FANCM: variants seen among roughly 807,000 people sequenced by gnomAD.
FANCM encodes FA complementation group M.
Under a neutral mutation model 199.5 loss-of-function variants are expected in FANCM, and 140 were observed. The ratio of observed to expected loss-of-function variants is 0.70; its 90% CI spans 0.61 to 0.81. The LOEUF (loss-of-function observed/expected upper bound fraction) is 0.81. FANCM is among the 30% of genes least tolerant of loss of function. FANCM has a pLI of 0.00. For missense variants in FANCM, 2,410 were observed against 2,421.4 expected, an observed-to-expected ratio of 1.00 and a Z score of 0.10; for synonymous variants, 840 against 836.8, an observed-to-expected ratio of 1.00 and a Z score of -0.07.
intron 11 of FANCM, 194 bp downstream of exon 11, chr14:45,167,357 GA>G (rs1259897585): frequency 1.8e-6 from 1 of 561,152 alleles, no homozygotes. Context: ...TAGAGTGACA[GA>G]AACTCAGTGT....
At chr14:45,144,225 TACTG>T (rs1185354688) in intron 3 of FANCM, among the ~76,000 whole-genome samples, 2 of 152,308 alleles carry the variant, frequency 1.3e-5, no homozygotes, top group East Asian at 3.9e-4. Context: ...GTAAACTTAT[TACTG>T]ACTATAGTCA....
At chr14:45,165,317 A>G (rs1300532788) in intron 10 of FANCM, among the ~76,000 whole-genome samples, 7 of 152,260 alleles carry the variant, frequency 4.6e-5, no homozygotes, top group African/African-American at 1.7e-4. Flanking sequence ...CAGTACCTTT[A>G]GGAGGCTCAC....
chr14:45,166,712 G>A (rs1888000706), intron 10 of FANCM, among the ~76,000 whole-genome samples: 1 of 151,118 alleles, frequency 6.6e-6, no homozygotes, highest in Non-Finnish European at 1.5e-5. Context: ...GGAGGTTGAG[G>A]CTGCAGTGAG....
In FANCM at chr14:45,167,130, C is replaced by A; in HGVS notation, c.1969C>A (p.Gln657Lys). The change falls in exon 11 of 23, where the codon CAG becomes AAG. Residue 657 changes from glutamine to lysine, a missense_variant. Transcript: ENST00000267430. ...YEPEKPSRNL[Q>K]RKSSIFSYRD... ...ACCAGAGAAGCCTTCTCGGAACTTG[C>A]AGCGAAAGTCATCTATCTTTTCCTA... The A allele has an allele frequency of 6.2e-7, 1 of 1,612,370 alleles. No homozygotes were observed. The highest frequency in any genetic ancestry group is 1.1e-5 in the South Asian group (1 of 91,056).
rs1566716075 is a variant in FANCM, at chr14:45,136,190, CGAT to C, written c.164_166del (p.Asp55del). On this transcript the variant is annotated inframe_deletion, in exon 1 of 23. Transcript: ENST00000267430. ...CAGCGGAGGCTCAGCTGGAGTCGGACGATGATGTGTTGCTTGTCGCGGCGTACG... is the reference window on the plus strand; with the variant it reads ...CAGCGGAGGCTCAGCTGGAGTCGGACGATGTGTTGCTTGTCGCGGCGTACG... 12 of 1,614,180 alleles carry C rather than the reference CGAT, an allele frequency of 7.4e-6. No individual in the cohort carries two copies. In the Admixed American group the frequency reaches 1.7e-4, roughly 22 times the overall value.
At chr14:45,186,163 G>C (rs1157781041) in intron 18 of FANCM, among the ~76,000 whole-genome samples, 1 of 152,060 alleles carries the variant, frequency 6.6e-6, no homozygotes, top group African/African-American at 2.4e-5. Context: ...CAAAGTACTG[G>C]GTCTATAGCT....
chr14:45,143,690 ATT>A (rs869298490), intron 3 of FANCM, among the ~76,000 whole-genome samples: 29 of 123,940 alleles, frequency 2.3e-4, no homozygotes, highest in Non-Finnish European at 1.7e-4. Context: ...TTGAGTAAGG[ATT>A]TTTTTTTTTT....
chr14:45,137,840 G>A (rs972583690), intron 2 of FANCM: 3 of 155,878 alleles, frequency 1.9e-5, no homozygotes, highest in African/African-American at 7.2e-5. Context: ...TTAATAGTTT[G>A]AAAGCCTTTG....
At chr14:45,179,707 G>A (rs1566770576) in intron 14 of FANCM, among the ~76,000 whole-genome samples, 3 of 151,688 alleles carry the variant, frequency 2.0e-5, no homozygotes, top group African/African-American at 4.8e-5. Context: ...CACTGTAGGC[G>A]CCTGCCACCA....
chr14:45,157,183 A>C (rs1887260099), intron 8 of FANCM, among the ~76,000 whole-genome samples: 1 of 152,218 alleles, frequency 6.6e-6, no homozygotes, highest in Non-Finnish European at 1.5e-5. Flanking sequence ...CAAACATGTT[A>C]AGATGTTTTT....
intron 6 of FANCM, 88 bp downstream of exon 6, chr14:45,154,140 T>G: frequency 2.0e-6 from 2 of 1,006,298 alleles, no homozygotes; most frequent in Non-Finnish European, 3.0e-6. Flanking sequence ...GTGGCTCATT[T>G]CTGTAATCCC....
intron 3 of FANCM, among the ~76,000 whole-genome samples, chr14:45,146,435 C>T (rs1202567125): frequency 6.6e-6 from 1 of 152,018 alleles, no homozygotes; most frequent in Non-Finnish European, 1.5e-5. Context: ...TCCATGCTTC[C>T]AATGATAGCT....
chr14:45,170,560 C>T lies in FANCM; in HGVS notation c.2003-29C>T, dbSNP rs761338468. 5 of 1,542,026 alleles carry T rather than the reference C, an allele frequency of 3.2e-6. No individual in the cohort carries two copies. In the South Asian group the frequency reaches 4.5e-5, roughly 14 times the overall value. ...TTTGCTTTGCAGATTTTTAAAAAGTCTCTTTTCCATTATTTTTTCAACTTA... is the reference window on the plus strand; with the variant it reads ...TTTGCTTTGCAGATTTTTAAAAAGTTTCTTTTCCATTATTTTTTCAACTTA... On this transcript the variant is annotated intron_variant, in intron 11 of 22. Coordinates refer to ENST00000267430, the MANE Select transcript of FANCM (RefSeq NM_020937.4).
In FANCM at chr14:45,175,475, T is replaced by G. The variant is rs150172333; in HGVS notation, c.2721T>G (p.Ala907=). The change falls in exon 14 of 23, where the codon GCT becomes GCG. Residue 907 remains alanine, a synonymous_variant. Transcript: ENST00000267430. ...GGACATCAGATACAGATGAAATTGC[T>G]GCCACATGTACTATTAATGAAAATG... ...DKRTSDTDEI[A]ATCTINENVI... is the part of the protein sequence containing the mutation. The G allele has an allele frequency of 9.3e-6, 15 of 1,608,910 alleles. No homozygotes were observed. Among genetic ancestry groups the G allele is most frequent in the Middle Eastern group, 1.7e-4 (1 of 6,060 alleles).
At chr14:45,194,591 C>A (rs1889956921) in intron 20 of FANCM, among the ~76,000 whole-genome samples, 1 of 152,088 alleles carries the variant, frequency 6.6e-6, no homozygotes, top group Non-Finnish European at 1.5e-5. Flanking sequence ...CTTTGTGCAG[C>A]TGCATACACC....
At chr14:45,154,663 T>A in intron 6 of FANCM, 34 bp from the exon 7 acceptor site, 1 of 1,389,840 alleles carries the variant, frequency 7.2e-7, no homozygotes, top group Non-Finnish European at 1.0e-6. Flanking sequence ...GTTTTATTAT[T>A]ATTTATTTGA....
chr14:45,164,308 A>T, intron 9 of FANCM, 51 bp from the exon 10 acceptor site: 2 of 1,408,000 alleles, frequency 1.4e-6, no homozygotes, highest in Non-Finnish European at 2.0e-6. Flanking sequence ...GCTTTGATCT[A>T]CAGTTCTCTT....
intron 19 of FANCM, 76 bp downstream of exon 19, chr14:45,187,963 T>C (rs1389845416): frequency 2.5e-6 from 2 of 796,456 alleles, no homozygotes; most frequent in Non-Finnish European, 4.4e-6. Flanking sequence ...GAAGCCTCCA[T>C]TTTGTTTCTA....
At position 45,140,652 on chromosome 14, in the gene FANCM, A is replaced by G; in HGVS notation, c.702A>G (p.Lys234=). 1 of 1,598,254 alleles carries G rather than the reference A, an allele frequency of 6.3e-7. No homozygotes were observed. The highest frequency in any genetic ancestry group is 2.2e-5 in the East Asian group (1 of 44,802). ...TTAAGGTTGTAAGAGAACTAGTCAA[A>G]TATACAAATCACTTTAGAATCTTGG... ...AYCQVVRELV[K]YTNHFRILAL... is the part of the protein sequence containing the mutation. Residue 234 remains lysine, a synonymous_variant, in exon 3 of 23, where the codon AAA becomes AAG. Coordinates refer to ENST00000267430, the MANE Select transcript of FANCM (RefSeq NM_020937.4).
Sources: allele counts gnomAD v4.1 joint callset (sites outside exome capture counted in the v4.1 genomes callset), GRCh38; gene constraint gnomAD v4.1.1; transcripts MANE v1.5; gene names NCBI Gene and HGNC (gene_info 2026-07-23, HGNC 2026-07-21).